Variants in UTS2 observed in about 807,000 individuals in gnomAD.
UTS2 encodes the protein urotensin-2.
A neutral mutation model predicts 12.6 loss-of-function variants in UTS2; 10 were observed. The observed-to-expected ratio is 0.80, with a 90% confidence interval of 0.49 to 1.35. The LOEUF is 1.35. Ranked by LOEUF, UTS2 falls within the 40% of genes most tolerant of loss-of-function variation. UTS2 has a pLI of 0.00. For synonymous variants in UTS2, 52 were observed against 50.0 expected (o/e 1.04, Z -0.17); for missense variants, 142 against 143.2 (o/e 0.99, Z 0.04).
the UTS2 span, among the ~76,000 whole-genome samples, chr1:7,867,365 G>C: frequency 6.6e-6 from 1 of 152,118 alleles, no homozygotes; most frequent in African/African-American, 2.4e-5. Context: ...GGCCTTTAAG[G>C]ACATCATTAA....
chr1:7,859,330 A>C, the UTS2 span, among the ~76,000 whole-genome samples: 1 of 152,200 alleles, frequency 6.6e-6, no homozygotes, highest in Non-Finnish European at 1.5e-5. Context: ...ATTTCAGATA[A>C]CCATTTGGCT....
At chr1:7,877,365 A>G in the UTS2 span, among the ~76,000 whole-genome samples, 3 of 152,192 alleles carry the variant, frequency 2.0e-5, no homozygotes, top group African/African-American at 7.2e-5. Context: ...GAAGCAATTC[A>G]TGATCTGAAT....
chr1:7,856,419 G>A (rs1578030717), upstream of UTS2, among the ~76,000 whole-genome samples: 1 of 152,228 alleles, frequency 6.6e-6, no homozygotes, highest in Non-Finnish European at 1.5e-5. Context: ...GGATGCCCTG[G>A]AAAAGGGGCA....
chr1:7,908,090 G>A, the UTS2 span, among the ~76,000 whole-genome samples: 1 of 152,154 alleles, frequency 6.6e-6, no homozygotes, highest in South Asian at 2.1e-4. Context: ...CCTGAGGTCA[G>A]GAGTTCGAGA....
chr1:7,867,147 G>A, the UTS2 span, among the ~76,000 whole-genome samples: 1 of 152,168 alleles, frequency 6.6e-6, no homozygotes, highest in African/African-American at 2.4e-5. Context: ...TGAGATTACA[G>A]GTGTGAGCCA....
At chr1:7,906,449 GAGAAAGAAAGAAAGAAAGAA>G in the UTS2 span, among the ~76,000 whole-genome samples, 25 of 73,274 alleles carry the variant, frequency 3.4e-4, no homozygotes, top group East Asian at 4.1e-3. Context: ...GAAAGAAAAA[GAGAAAGAAAGAAAGAAAGAA>G]AGAAAGAAAG....
the UTS2 span, among the ~76,000 whole-genome samples, chr1:7,862,416 G>T: frequency 2.7e-3 from 405 of 151,880 alleles, 1 homozygote; most frequent in African/African-American, 9.3e-3. Flanking sequence ...TCAATTATTA[G>T]GTTGGTGCAA....
the UTS2 span, among the ~76,000 whole-genome samples, chr1:7,906,449 G>GAGAGAGAAAGAAAGAAAGAA: frequency 5.5e-5 from 4 of 73,226 alleles, no homozygotes; most frequent in African/African-American, 5.3e-5. Context: ...GAAAGAAAAA[G>GAGAGAGAAAGAAAGAAAGAA]AGAAAGAAAG....
chr1:7,855,701 A>G (rs1450374520), upstream of UTS2, among the ~76,000 whole-genome samples: 3 of 149,802 alleles, frequency 2.0e-5, no homozygotes, highest in African/African-American at 7.4e-5. Flanking sequence ...TATTATTATT[A>G]TTATTATTTT....
chr1:7,851,451 T>TTGTG (rs1304512926), intron 1 of UTS2, among the ~76,000 whole-genome samples: 2 of 152,172 alleles, frequency 1.3e-5, no homozygotes, highest in East Asian at 3.8e-4. Context: ...AGGAACTTGA[T>TTGTG]TGTGGCATTT....
chr1:7,857,577 G>C (rs928807126), upstream of UTS2, among the ~76,000 whole-genome samples: 3 of 152,054 alleles, frequency 2.0e-5, no homozygotes, highest in African/African-American at 7.2e-5. Flanking sequence ...TTTTGATGCA[G>C]CATGGTGGCT....
At chr1:7,880,830 CA>C in the UTS2 span, among the ~76,000 whole-genome samples, 1 of 152,150 alleles carries the variant, frequency 6.6e-6, no homozygotes, top group African/African-American at 2.4e-5. Flanking sequence ...CAAACCCAGA[CA>C]AGGACACAGC....
the UTS2 span, among the ~76,000 whole-genome samples, chr1:7,873,499 T>C: frequency 6.6e-6 from 1 of 152,204 alleles, no homozygotes; most frequent in Admixed American, 6.5e-5. Context: ...ATTCCCACCT[T>C]CATGGATGAC....
the UTS2 span, among the ~76,000 whole-genome samples, chr1:7,879,239 A>G: frequency 6.6e-6 from 1 of 152,228 alleles, no homozygotes; most frequent in African/African-American, 2.4e-5. Flanking sequence ...AACATTTTCC[A>G]GGATAGACCA....
the UTS2 span, among the ~76,000 whole-genome samples, chr1:7,871,180 GGT>G: frequency 1.3e-5 from 2 of 152,190 alleles, no homozygotes; most frequent in Admixed American, 6.5e-5. Flanking sequence ...CAGGCAGAGT[GGT>G]CTTATTTTGG....
At chr1:7,900,674 A>G in the UTS2 span, among the ~76,000 whole-genome samples, 1 of 152,086 alleles carries the variant, frequency 6.6e-6, no homozygotes, top group Non-Finnish European at 1.5e-5. Context: ...CCAGCTACTC[A>G]GGAGGCTGAG....
chr1:7,890,973 C>A, the UTS2 span, among the ~76,000 whole-genome samples: 2 of 150,210 alleles, frequency 1.3e-5, no homozygotes, highest in African/African-American at 5.0e-5. Context: ...CTCCACCCCC[C>A]CCCACAAAAC....
upstream of UTS2, among the ~76,000 whole-genome samples, chr1:7,857,835 G>A (rs1294378579): frequency 7.5e-6 from 1 of 133,382 alleles, no homozygotes; most frequent in Non-Finnish European, 1.6e-5. Flanking sequence ...GGGCAACAGA[G>A]TGAGACCCAG....
At chr1:7,900,087 T>C in the UTS2 span, among the ~76,000 whole-genome samples, 18,455 of 152,200 alleles carry the variant, frequency 0.12, 2,479 homozygotes, top group East Asian at 0.56. Flanking sequence ...TTAGCTCCAC[T>C]TCCTGAATGT....
Sources: gnomAD v4.1 joint callset for allele counts (sites outside exome capture counted in the v4.1 genomes callset) on GRCh38, gnomAD v4.1.1 for gene constraint, MANE v1.5 for transcripts, NCBI Gene and HGNC (gene_info 2026-07-23, HGNC 2026-07-21) for gene names.